CDC34: variants seen among roughly 807,000 people sequenced by gnomAD.
CDC34 encodes ubiquitin-conjugating enzyme E2 R1.
In CDC34, 18 loss-of-function variants were observed where a neutral mutation model predicts 26.8. That is an observed-to-expected ratio of 0.67 (90% CI 0.47 to 1.00). CDC34 has a LOEUF of 1.00. Ranked by LOEUF, CDC34 falls within the 50% of genes least tolerant of loss-of-function variation. The probability of loss-of-function intolerance (pLI) is 0.00; values close to 1 mark genes in which losing one functional copy is unlikely to be tolerated. For synonymous variants in CDC34, 178 were observed against 147.5 expected (o/e 1.21, Z -1.50); for missense variants, 280 against 334.5 (o/e 0.84, Z 1.27).
intron 1 of CDC34, among the ~76,000 whole-genome samples, chr19:535,249 TG>T (rs1364021418): frequency 6.6e-6 from 1 of 152,214 alleles, no homozygotes; most frequent in Non-Finnish European, 1.5e-5. Flanking sequence ...CTGTGACCTA[TG>T]GGTCTGCCTG....
Position 531,898 on chromosome 19 carries a change from C to T in CDC34, c.-34C>T. The T allele has an allele frequency of 1.5e-6, 2 of 1,360,692 alleles. No individual in the cohort carries two copies. Among genetic ancestry groups the T allele is most frequent in the Non-Finnish European group, 1.9e-6 (2 of 1,060,570 alleles). 84.3% of individuals were successfully genotyped at this position (1,360,692 alleles called of 1,614,324 possible). A position where few individuals can be genotyped will look rare whatever the true frequency, so the allele number is the denominator to read the frequency against. On this transcript the variant is annotated 5_prime_UTR_variant, in exon 1 of 5. Transcript: ENST00000215574. The stretch of plus-strand genomic sequence containing the variant: ...AACTCGCGGTGGTCGCGCGGCCCCG[C>T]GCTGCTCCGACCCCGGGCCCCTCCG...
At position 531,839 on chromosome 19, in the gene CDC34, C is replaced by T. The variant is rs1454296595; in HGVS notation, c.-93C>T. Reference sequence around the variant, plus strand: ...GGCAGGCGGCGGCCCCGGTGGCTCCCCCCCGGACGGTGCGCGGCCCGGCCC... The same window carrying T: ...GGCAGGCGGCGGCCCCGGTGGCTCCTCCCCGGACGGTGCGCGGCCCGGCCC... On this transcript the variant is annotated 5_prime_UTR_variant, in exon 1 of 5. Transcript: ENST00000215574. 3 of 772,118 alleles carry T rather than the reference C, an allele frequency of 3.9e-6. No individual in the cohort carries two copies. Among genetic ancestry groups the T allele is most frequent in the East Asian group, 5.5e-5 (1 of 18,124 alleles). 47.8% of individuals were successfully genotyped at this position (772,118 alleles called of 1,614,324 possible).
At chr19:539,104 C>T in intron 4 of CDC34, 2 of 795,778 alleles carry the variant, frequency 2.5e-6, no homozygotes, top group Non-Finnish European at 3.0e-6. Flanking sequence ...CCTGTTTTTT[C>T]ATCTGTGTGC....
chr19:536,003 G>A (rs947511486), intron 2 of CDC34, 80 bp downstream of exon 2: 14 of 1,379,846 alleles, frequency 1.0e-5, no homozygotes, highest in Middle Eastern at 1.8e-4. Context: ...TCATCCTTCC[G>A]GGACCCGGGG....
At chr19:539,819 C>G (rs191638856) in intron 4 of CDC34, among the ~76,000 whole-genome samples, 1 of 152,186 alleles carries the variant, frequency 6.6e-6, no homozygotes, top group South Asian at 2.1e-4. Flanking sequence ...ATTCTTGACG[C>G]GTGTCCTGGA....
chr19:541,266 CT>C, intron 4 of CDC34, 72 bp from the exon 5 acceptor site: 1 of 1,457,644 alleles, frequency 6.9e-7, no homozygotes, highest in Non-Finnish European at 9.0e-7. Context: ...AGCGTCGGAC[CT>C]GGGGGAGGGG....
intron 1 of CDC34, 112 bp downstream of exon 1, chr19:532,220 C>T (rs572980331): frequency 2.3e-6 from 2 of 855,154 alleles, no homozygotes; most frequent in South Asian, 2.2e-5. Context: ...GCCCCGAAGC[C>T]TCCTGGCTTG....
chr19:535,953 C>T, intron 2 of CDC34, 30 bp downstream of exon 2: 1 of 1,593,672 alleles, frequency 6.3e-7, no homozygotes, highest in Admixed American at 1.7e-5. Flanking sequence ...GCCTCAAGTC[C>T]TCATCCTCCG....
In CDC34 at chr19:532,124, C is replaced by G. The variant is rs1979516726; in HGVS notation, c.177+16C>G. ...CTACTTCAAGGTGAGCGCGGCGACCCCCGCCCGGGTCCCGGAGCCCACGAG... is the reference window on the plus strand; with the variant it reads ...CTACTTCAAGGTGAGCGCGGCGACCGCCGCCCGGGTCCCGGAGCCCACGAG... On this transcript the variant is annotated intron_variant, in intron 1 of 4. Coordinates refer to ENST00000215574, the MANE Select transcript of CDC34 (RefSeq NM_004359.2). The G allele has an allele frequency of 6.7e-7, 1 of 1,483,986 alleles. No homozygotes were observed. Among genetic ancestry groups the G allele is most frequent in the Admixed American group, 2.9e-5 (1 of 34,058 alleles). 91.9% of individuals were successfully genotyped at this position (1,483,986 alleles called of 1,614,324 possible).
At chr19:539,919 T>G (rs1979934358) in intron 4 of CDC34, among the ~76,000 whole-genome samples, 1 of 152,046 alleles carries the variant, frequency 6.6e-6, no homozygotes, top group South Asian at 2.1e-4. Context: ...CTCCAGGAAG[T>G]TTGAGCTAAC....
intron 3 of CDC34, chr19:536,762 G>A: frequency 1.8e-6 from 1 of 568,538 alleles, no homozygotes. Context: ...GTGCGGGTGT[G>A]AGGGCAGCCC....
intron 4 of CDC34, chr19:541,071 G>C: frequency 4.7e-6 from 2 of 430,090 alleles, no homozygotes; most frequent in Non-Finnish European, 8.3e-6. Flanking sequence ...GGGTCCCTTG[G>C]GTTGTGCTTC....
chr19:537,748 CG>C (rs1979828501), intron 4 of CDC34, among the ~76,000 whole-genome samples: 1 of 149,178 alleles, frequency 6.7e-6, no homozygotes, highest in Admixed American at 6.8e-5. Flanking sequence ...CTCCACTACT[CG>C]GGTTGGAGCA....
At chr19:539,257 C>T (rs952870447) in intron 4 of CDC34, among the ~76,000 whole-genome samples, 1 of 152,092 alleles carries the variant, frequency 6.6e-6, no homozygotes, top group East Asian at 1.9e-4. Context: ...GCCGGCGGCA[C>T]CTCCACGGTG....
rs1346364812 is a variant in CDC34, at chr19:541,659, G to A, written c.*107G>A. ...TTTTGTGCTGGTCCCCGTCTCCTCT[G>A]GTTGTTTCGTTTTGGCTTTTTCTCC... On this transcript the variant is annotated 3_prime_UTR_variant, in exon 5 of 5. Transcript: ENST00000215574. 9 of 1,318,920 alleles carry A rather than the reference G, an allele frequency of 6.8e-6. No individual in the cohort carries two copies. Among genetic ancestry groups the A allele is most frequent in the Non-Finnish European group, 1.0e-6 (1 of 988,814 alleles). The allele number at this position is 1,318,920 out of a possible 1,614,324, so 81.7% of individuals were successfully genotyped here.
At chr19:540,803 C>A (rs867791076) in intron 4 of CDC34, among the ~76,000 whole-genome samples, 7 of 49,078 alleles carry the variant, frequency 1.4e-4, no homozygotes, top group African/African-American at 3.5e-4. Flanking sequence ...GCCAGGCCCC[C>A]CGGTTTAGAA....
At position 531,787 on chromosome 19, in the gene CDC34, G is replaced by GGGC. The variant is rs918233277; in HGVS notation, c.-131_-129dup. The stretch of plus-strand genomic sequence containing the variant: ...AGCTGCTGGAGCGCTCGGGGTCCCC[G>GGGC]GGCGGCGGCGGCGGCGCAGAGGAGG... On this transcript the variant is annotated 5_prime_UTR_variant, in exon 1 of 5. Transcript: ENST00000215574. 1.3e-3 allele frequency: 308 copies of GGGC among 239,484 alleles called. 2 individuals carry two copies. Among genetic ancestry groups the GGGC allele is most frequent in the African/African-American group, 6.3e-3 (270 of 42,710 alleles). 14.8% of individuals were successfully genotyped at this position (239,484 alleles called of 1,614,324 possible).
intron 1 of CDC34, 68 bp from the exon 2 acceptor site, chr19:535,769 G>A: frequency 1.6e-6 from 2 of 1,241,504 alleles, no homozygotes; most frequent in Non-Finnish European, 2.4e-6. Flanking sequence ...ATGGCCTTGG[G>A]CACCTTGTGA....
intron 1 of CDC34, among the ~76,000 whole-genome samples, chr19:535,598 C>CGGCCA (rs1464541911): frequency 3.3e-5 from 5 of 152,230 alleles, no homozygotes; most frequent in Non-Finnish European, 7.3e-5. Context: ...GGCCGGGTCC[C>CGGCCA]GGCCACCTGG....
Sources: gnomAD v4.1 joint callset for allele counts (sites outside exome capture counted in the v4.1 genomes callset) on GRCh38, gnomAD v4.1.1 for gene constraint, MANE v1.5 for transcripts, NCBI Gene and HGNC (gene_info 2026-07-23, HGNC 2026-07-21) for gene names.